Variants in TMEM26 observed in about 807,000 individuals in gnomAD.
TMEM26 encodes the protein transmembrane protein 26.
In TMEM26, 38 loss-of-function variants were observed where a neutral mutation model predicts 28.8. That is an observed-to-expected ratio of 1.32 (90% confidence interval 1.02 to 1.73). The LOEUF is 1.73. Ranked by LOEUF, TMEM26 falls within the 40% of genes most tolerant of loss-of-function variation. TMEM26 has a pLI of 0.00. For synonymous variants in TMEM26, 227 were observed against 182.9 expected, an observed-to-expected ratio of 1.24 and a Z score of -1.95; for missense variants, 518 against 447.1, an observed-to-expected ratio of 1.16 and a Z score of -1.43.
intron 1 of TMEM26, among the ~76,000 whole-genome samples, chr10:61,444,223 C>A (rs1018046111): frequency 5.9e-5 from 9 of 152,110 alleles, no homozygotes; most frequent in African/African-American, 2.2e-4. Flanking sequence ...TCTCATATAA[C>A]TATACATATT....
chr10:61,414,880 T>C (rs892362823), intron 4 of TMEM26: 21 of 588,054 alleles, frequency 3.6e-5, no homozygotes. Context: ...ACAAGGCTTC[T>C]GAAAAAGTCT....
intron 4 of TMEM26, among the ~76,000 whole-genome samples, chr10:61,424,166 T>C (rs891797920): frequency 1.3e-5 from 2 of 152,160 alleles, no homozygotes; most frequent in African/African-American, 4.8e-5. Context: ...AGCATGATAC[T>C]GTAAGGAGAA....
chr10:61,437,512 G>A (rs1289032119), intron 1 of TMEM26, among the ~76,000 whole-genome samples: 1 of 152,120 alleles, frequency 6.6e-6, no homozygotes, highest in Admixed American at 6.5e-5. Context: ...GTCTGGGCAC[G>A]GTGGCTCAGG....
intron 1 of TMEM26, among the ~76,000 whole-genome samples, chr10:61,447,332 G>A (rs574899652): frequency 2.0e-5 from 3 of 152,158 alleles, no homozygotes; most frequent in East Asian, 1.9e-4. Context: ...AAGTTCTCCC[G>A]CATTGCTTAA....
chr10:61,446,166 C>T (rs572376924), intron 1 of TMEM26, among the ~76,000 whole-genome samples: 1 of 152,104 alleles, frequency 6.6e-6, no homozygotes, highest in Admixed American at 6.5e-5. Context: ...TTATGTGAGG[C>T]AAAAGAAGGA....
intron 4 of TMEM26, chr10:61,416,233 C>T (rs1839650420): frequency 2.7e-6 from 1 of 373,704 alleles, no homozygotes; most frequent in African/African-American, 2.1e-5. Context: ...TTCAATAATT[C>T]TACCAAAAAC....
intron 1 of TMEM26, among the ~76,000 whole-genome samples, chr10:61,440,514 C>CAAAA (rs60111640): frequency 7.1e-5 from 7 of 99,042 alleles, no homozygotes; most frequent in Admixed American, 1.1e-4. Flanking sequence ...TTCCAGTTCT[C>CAAAA]AAAAAAAAAA....
In TMEM26 at chr10:61,420,013, C is replaced by A. The variant is rs577061443; in HGVS notation, c.606-6478G>T. Among the ~76,000 whole-genome samples, 3 of 152,198 alleles carry A rather than the reference C, an allele frequency of 2.0e-5. No homozygotes were observed. In the South Asian group the frequency reaches 6.2e-4, roughly 32 times the overall value. On this transcript the variant is annotated intron_variant, in intron 4 of 5. Transcript: ENST00000399298. ...GGGGGTTAGTTAAGGGAACTGACCTCCCCACACACAGTTGAAAATCTGTGT... is the reference window on the plus strand; with the variant it reads ...GGGGGTTAGTTAAGGGAACTGACCTACCCACACACAGTTGAAAATCTGTGT...
rs563094447 is a variant in TMEM26 at position 61,407,726 on chromosome 10, A to T, written c.*2596T>A. ...TATGGCAATAATACCAACAGCACCA[A>T]CAACCTCAAATAAGCCACTTTCTTC... On this transcript the variant is annotated 3_prime_UTR_variant, in exon 6 of 6. Transcript: ENST00000399298. 10 of 152,308 alleles carry T rather than the reference A, an allele frequency of 6.6e-5. No individual in the cohort carries two copies. Among genetic ancestry groups the T allele is most frequent in the Non-Finnish European group, 1.5e-4 (10 of 68,024 alleles). The allele number at this position is 152,308 out of a possible 1,614,324, so 9.4% of individuals were successfully genotyped here.
intron 1 of TMEM26, among the ~76,000 whole-genome samples, chr10:61,441,576 C>T (rs766045027): frequency 7.4e-4 from 112 of 152,152 alleles, no homozygotes; most frequent in Non-Finnish European, 1.3e-3. Flanking sequence ...CCTTGTATGA[C>T]GACTAATACC....
At chr10:61,413,353 G>A (rs1174452834) in intron 5 of TMEM26, 106 bp downstream of exon 5, 5 of 1,483,788 alleles carry the variant, frequency 3.4e-6, no homozygotes, top group Non-Finnish European at 4.5e-6. Context: ...AACTAATATT[G>A]GGATACAGAC....
intron 1 of TMEM26, among the ~76,000 whole-genome samples, chr10:61,448,637 T>G (rs775085716): frequency 6.7e-6 from 1 of 149,686 alleles, no homozygotes; most frequent in Non-Finnish European, 1.5e-5. Context: ...TTTTTTTTGG[T>G]CTGGTCACAC....
At chr10:61,415,817 G>A (rs1275780910) in intron 4 of TMEM26, among the ~76,000 whole-genome samples, 1 of 152,040 alleles carries the variant, frequency 6.6e-6, no homozygotes, top group Non-Finnish European at 1.5e-5. Flanking sequence ...ACCAAAGGGG[G>A]AGAACTAGAG....
chr10:61,446,362 C>T (rs1310118834), intron 1 of TMEM26, among the ~76,000 whole-genome samples: 1 of 152,198 alleles, frequency 6.6e-6, no homozygotes, highest in South Asian at 2.1e-4. Context: ...ATAAAACACA[C>T]ATTCCCACAA....
At chr10:61,434,367 G>A (rs116373173) in intron 2 of TMEM26, among the ~76,000 whole-genome samples, 6 of 152,132 alleles carry the variant, frequency 3.9e-5, no homozygotes, top group East Asian at 1.9e-4. Context: ...TTGTTGTAAC[G>A]GGATTTGAGC....
chr10:61,418,338 C>A (rs1589027652), intron 4 of TMEM26, among the ~76,000 whole-genome samples: 1 of 151,876 alleles, frequency 6.6e-6, no homozygotes, highest in Non-Finnish European at 1.5e-5. Flanking sequence ...GAGACAGGGG[C>A]TCCATCTTTC....
At chr10:61,451,993 A>T (rs1353655648) in intron 1 of TMEM26, among the ~76,000 whole-genome samples, 1 of 150,994 alleles carries the variant, frequency 6.6e-6, no homozygotes, top group Non-Finnish European at 1.5e-5. Context: ...ATTGATATAT[A>T]TATATATATA....
intron 1 of TMEM26, among the ~76,000 whole-genome samples, chr10:61,445,158 A>G (rs991646328): frequency 6.6e-6 from 1 of 152,222 alleles, no homozygotes; most frequent in Non-Finnish European, 1.5e-5. Flanking sequence ...AGTACTCAAT[A>G]ATTGATAAGT....
In TMEM26 at chr10:61,431,857, A is replaced by C. The variant is rs74981537; in HGVS notation, c.271-525T>G. ...GTAGTGAGCATAGTACCTGATAAGC[A>C]GCCTTCCAATTCACACTTCCCTCCG... is the stretch of plus-strand genomic sequence containing the variant. On this transcript the variant is annotated intron_variant, in intron 2 of 5. Transcript: ENST00000399298. Among the ~76,000 whole-genome samples the C allele has an allele frequency of 8.8e-3, 1,334 of 152,102 alleles. 24 individuals are homozygous for C. Among genetic ancestry groups the C allele is most frequent in the African/African-American group, 0.03 (1,245 of 41,508 alleles).
Sources: allele counts gnomAD v4.1 joint callset (sites outside exome capture counted in the v4.1 genomes callset), GRCh38; gene constraint gnomAD v4.1.1; transcripts MANE v1.5; gene names NCBI Gene and HGNC (gene_info 2026-07-23, HGNC 2026-07-21).